LMBR1: variants seen among roughly 807,000 people sequenced by gnomAD.
LMBR1 encodes the protein limb development membrane protein 1.
A neutral mutation model predicts 73.9 loss-of-function variants in LMBR1; 52 were observed. The observed-to-expected ratio is 0.70, with a 90% CI of 0.56 to 0.89. The LOEUF is 0.89. Among genes scored for constraint, LMBR1 ranks in the 40% least tolerant of loss-of-function variants. LMBR1 has a pLI of 0.00. For synonymous variants in LMBR1, 215 were observed against 209.4 expected (o/e 1.03, Z -0.23); for missense variants, 539 against 579.8 (o/e 0.93, Z 0.72).
At chr7:156,764,693 TGA>T (rs1419865574) in intron 5 of LMBR1, among the ~76,000 whole-genome samples, 2 of 152,244 alleles carry the variant, frequency 1.3e-5, no homozygotes, top group Admixed American at 6.5e-5. Context: ...CATAAAAATA[TGA>T]GTTATAAAAT....
At chr7:156,770,277 CT>C (rs1563320198) in intron 5 of LMBR1, among the ~76,000 whole-genome samples, 4 of 151,998 alleles carry the variant, frequency 2.6e-5, no homozygotes. Flanking sequence ...TCTCAGCCCC[CT>C]GAGTAGCTGG....
chr7:156,724,296 C>A, intron 14 of LMBR1, 118 bp from the exon 15 acceptor site: 1 of 666,810 alleles, frequency 1.5e-6, no homozygotes, highest in Non-Finnish European at 2.6e-6. Flanking sequence ...TTGCCGATTT[C>A]TTAATGATAC....
intron 1 of LMBR1, among the ~76,000 whole-genome samples, chr7:156,840,880 G>GC (rs1463166389): frequency 2.7e-5 from 4 of 150,532 alleles, no homozygotes; most frequent in Middle Eastern, 3.4e-3. Flanking sequence ...CAGGAGAATG[G>GC]CGTGAACCTG....
At chr7:156,833,200 A>G (rs1250458138) in intron 3 of LMBR1, among the ~76,000 whole-genome samples, 3 of 152,222 alleles carry the variant, frequency 2.0e-5, no homozygotes, top group Admixed American at 2.0e-4. Context: ...ATCCTGGAAT[A>G]CAGAACTTTC....
At chr7:156,675,761 A>G (rs1230530829), downstream of LMBR1, 1 of 1,614,138 alleles carries the variant, frequency 6.2e-7, no homozygotes, top group Non-Finnish European at 8.5e-7. Context: ...TCTTTGCAGA[A>G]ATCGATCAGT....
At chr7:156,853,897 C>T (rs978585995) in intron 1 of LMBR1, among the ~76,000 whole-genome samples, 4 of 151,666 alleles carry the variant, frequency 2.6e-5, no homozygotes, top group African/African-American at 9.7e-5. Context: ...TCAGGTGATC[C>T]ACCCACCTCA....
chr7:156,717,816 C>A (rs537610340), intron 15 of LMBR1, among the ~76,000 whole-genome samples: 1 of 152,188 alleles, frequency 6.6e-6, no homozygotes, highest in South Asian at 2.1e-4. Flanking sequence ...AAGTAATACT[C>A]AGGTGAGATT....
chr7:156,772,613 C>T (rs940874926), intron 5 of LMBR1, among the ~76,000 whole-genome samples: 1 of 151,920 alleles, frequency 6.6e-6, no homozygotes, highest in Admixed American at 6.6e-5. Context: ...TTTGGGAGGC[C>T]GAGCTGGGTG....
chr7:156,700,407 G>C (rs36147797), intron 15 of LMBR1, among the ~76,000 whole-genome samples: 5,035 of 152,056 alleles, frequency 0.033, 273 homozygotes, highest in African/African-American at 0.11. Context: ...TGGGAGGAGG[G>C]GGGGAGGGAT....
intron 4 of LMBR1, among the ~76,000 whole-genome samples, chr7:156,819,907 G>T (rs919624517): frequency 6.6e-6 from 1 of 152,218 alleles, no homozygotes; most frequent in Non-Finnish European, 1.5e-5. Context: ...GACCTGTGGA[G>T]TGAGGGCTAT....
intron 15 of LMBR1, among the ~76,000 whole-genome samples, chr7:156,718,307 G>A (rs1199745305): frequency 6.6e-6 from 1 of 151,902 alleles, no homozygotes; most frequent in East Asian, 1.9e-4. Flanking sequence ...GGCTGAGGCA[G>A]GAGAATCACT....
At chr7:156,809,769 T>C (rs962105939) in intron 4 of LMBR1, among the ~76,000 whole-genome samples, 1 of 152,226 alleles carries the variant, frequency 6.6e-6, no homozygotes, top group Non-Finnish European at 1.5e-5. Context: ...ATTGCTCCTC[T>C]GAACTTAACG....
chr7:156,675,394 T>C (rs1803643219), downstream of LMBR1, among the ~76,000 whole-genome samples: 1 of 152,182 alleles, frequency 6.6e-6, no homozygotes, highest in Non-Finnish European at 1.5e-5. Context: ...CTCCTGCAGC[T>C]GTCATTTCTC....
downstream of LMBR1, chr7:156,676,180 T>G (rs900271879): frequency 3.2e-6 from 4 of 1,253,726 alleles, no homozygotes; most frequent in East Asian, 2.5e-5. Context: ...TGTTGGATGT[T>G]GCTTATCACA....
intron 5 of LMBR1, among the ~76,000 whole-genome samples, chr7:156,792,121 C>T (rs1266089591): frequency 1.3e-5 from 2 of 152,106 alleles, no homozygotes; most frequent in Non-Finnish European, 2.9e-5. Flanking sequence ...AATCAGAAAA[C>T]ATCTCTGATA....
chr7:156,696,114 G>A (rs1341118992), intron 15 of LMBR1, among the ~76,000 whole-genome samples: 1 of 152,182 alleles, frequency 6.6e-6, no homozygotes, highest in Non-Finnish European at 1.5e-5. Flanking sequence ...ACTTCTAGAA[G>A]AAAACATAGA....
At chr7:156,890,845 G>A (rs2134635327) in intron 1 of LMBR1, among the ~76,000 whole-genome samples, 1 of 152,044 alleles carries the variant, frequency 6.6e-6, no homozygotes, top group South Asian at 2.1e-4. Context: ...CCATTCCTAG[G>A]GCTATCCCCA....
intron 10 of LMBR1, among the ~76,000 whole-genome samples, chr7:156,731,766 AAGTC>A (rs1816866433): frequency 6.6e-6 from 1 of 152,110 alleles, no homozygotes; most frequent in Non-Finnish European, 1.5e-5. Context: ...CACATCCACT[AAGTC>A]AGTAAAAATT....
At chr7:156,781,203 T>C (rs141531757) in intron 5 of LMBR1, among the ~76,000 whole-genome samples, 6 of 152,326 alleles carry the variant, frequency 3.9e-5, no homozygotes, top group African/African-American at 1.4e-4. Context: ...TTTTAAAATA[T>C]AATAAAAAGC....
Sources: gnomAD v4.1 joint callset for allele counts (sites outside exome capture counted in the v4.1 genomes callset) on GRCh38, gnomAD v4.1.1 for gene constraint, MANE v1.5 for transcripts, NCBI Gene and HGNC (gene_info 2026-07-23, HGNC 2026-07-21) for gene names.